Variants in MRPL48 observed in about 807,000 individuals in gnomAD.
MRPL48 encodes mitochondrial ribosomal protein L48, also known as large ribosomal subunit protein mL48.
A neutral mutation model predicts 32.9 loss-of-function variants in MRPL48; 16 were observed. The ratio of observed to expected loss-of-function variants is 0.49; its 90% CI spans 0.33 to 0.74. MRPL48 has a LOEUF of 0.74. Ranked by LOEUF, MRPL48 falls within the 30% of genes least tolerant of loss-of-function variation. MRPL48 has a pLI of 0.02. For missense variants in MRPL48, 206 were observed against 245.3 expected, an observed-to-expected ratio of 0.84 and a Z score of 1.07; for synonymous variants, 94 against 89.2, an observed-to-expected ratio of 1.05 and a Z score of -0.31.
Position 73,794,791 on chromosome 11 carries a change from C to G in MRPL48, c.21+6799C>G, listed in dbSNP as rs561268463. On this transcript the variant is annotated intron_variant, in intron 1 of 7. Transcript: ENST00000310614. ...TTGGAGTCTTGCTCTGTTGCCCAGGCTGGAGTGCAGTGGCATGATCTCGGC... is the reference window on the plus strand; with the variant it reads ...TTGGAGTCTTGCTCTGTTGCCCAGGGTGGAGTGCAGTGGCATGATCTCGGC... Among the ~76,000 whole-genome samples, 43 of 148,890 alleles carry G rather than the reference C, an allele frequency of 2.9e-4. No homozygotes were observed. In the East Asian group the frequency reaches 8.3e-3, roughly 29 times the overall value.
intron 3 of MRPL48, among the ~76,000 whole-genome samples, chr11:73,810,714 C>A (rs1947552362): frequency 6.6e-6 from 1 of 151,700 alleles, no homozygotes; most frequent in Non-Finnish European, 1.5e-5. Context: ...ACTAGCCCCC[C>A]ACCCCCCGAG....
chr11:73,841,476 C>T (rs1948184346), intron 4 of MRPL48, among the ~76,000 whole-genome samples: 1 of 152,172 alleles, frequency 6.6e-6, no homozygotes, highest in African/African-American at 2.4e-5. Flanking sequence ...AAAGAATTGC[C>T]ATTCCACATA....
At chr11:73,798,765 G>A (rs1947304876) in intron 1 of MRPL48, among the ~76,000 whole-genome samples, 1 of 152,084 alleles carries the variant, frequency 6.6e-6, no homozygotes, top group Admixed American at 6.6e-5. Context: ...GCTGAGGTGG[G>A]CGGATCACGA....
At chr11:73,807,330 A>G (rs1173323711) in intron 2 of MRPL48, among the ~76,000 whole-genome samples, 1 of 151,704 alleles carries the variant, frequency 6.6e-6, no homozygotes, top group East Asian at 1.9e-4. Flanking sequence ...ATCCTGGATG[A>G]TTTCTTGAGT....
At chr11:73,827,336 A>G (rs1469705959) in intron 4 of MRPL48, among the ~76,000 whole-genome samples, 1 of 152,160 alleles carries the variant, frequency 6.6e-6, no homozygotes, top group African/African-American at 2.4e-5. Context: ...GTGAGCCGAG[A>G]TCACGCCACT....
At chr11:73,837,408 G>C (rs1271511444) in intron 4 of MRPL48, among the ~76,000 whole-genome samples, 3 of 151,528 alleles carry the variant, frequency 2.0e-5, no homozygotes, top group Non-Finnish European at 4.4e-5. Context: ...GGGAAGGAGA[G>C]ATTAAATTAT....
chr11:73,847,958 T>A (rs1948324166), intron 5 of MRPL48, among the ~76,000 whole-genome samples: 1 of 152,234 alleles, frequency 6.6e-6, no homozygotes, highest in Non-Finnish European at 1.5e-5. Flanking sequence ...CTTAACAGTA[T>A]GTCTTTTGAA....
intron 5 of MRPL48, among the ~76,000 whole-genome samples, chr11:73,849,201 A>T (rs1417286689): frequency 6.6e-6 from 1 of 152,084 alleles, no homozygotes; most frequent in Non-Finnish European, 1.5e-5. Flanking sequence ...CAGTGGCGCA[A>T]TCTCGGCTGA....
intron 3 of MRPL48, among the ~76,000 whole-genome samples, chr11:73,823,862 C>CCT (rs1947833665): frequency 7.0e-6 from 1 of 143,360 alleles, no homozygotes; most frequent in African/African-American, 2.6e-5. Context: ...AAAGACCCCC[C>CCT]TTTTTTTTTT....
At chr11:73,832,940 G>T (rs552923720) in intron 4 of MRPL48, among the ~76,000 whole-genome samples, 2 of 152,222 alleles carry the variant, frequency 1.3e-5, no homozygotes, top group East Asian at 3.9e-4. Flanking sequence ...AAAGTCTGCT[G>T]GGAAAGTTAG....
At chr11:73,818,601 G>C (rs374011272) in intron 3 of MRPL48, among the ~76,000 whole-genome samples, 3 of 152,234 alleles carry the variant, frequency 2.0e-5, no homozygotes, top group East Asian at 1.9e-4. Context: ...TGTTTGCCAG[G>C]TGGTGGCATT....
At chr11:73,839,131 T>G (rs879419378) in intron 4 of MRPL48, among the ~76,000 whole-genome samples, 3 of 152,346 alleles carry the variant, frequency 2.0e-5, no homozygotes, top group East Asian at 1.9e-4. Flanking sequence ...AAAACATTCC[T>G]GTGAGATCAG....
chr11:73,817,309 A>G (rs1038081106), intron 3 of MRPL48, among the ~76,000 whole-genome samples: 3 of 152,212 alleles, frequency 2.0e-5, no homozygotes, highest in Non-Finnish European at 4.4e-5. Flanking sequence ...CAACACTGTG[A>G]TGAACATTCT....
Position 73,805,093 on chromosome 11 carries a change from A to G in MRPL48, c.74+14A>G. ...TTCTCTCTTAAGGTAAGAATATTAA[A>G]AACAATAATTAAATATAGGTAACAT... On this transcript the variant is annotated intron_variant, in intron 2 of 7. Transcript: ENST00000310614. 1 of 1,550,524 alleles carries G rather than the reference A, an allele frequency of 6.4e-7. No homozygotes were observed. Among genetic ancestry groups the G allele is most frequent in the Non-Finnish European group, 8.7e-7 (1 of 1,144,504 alleles).
At chr11:73,806,936 C>T (rs1947464729) in intron 2 of MRPL48, among the ~76,000 whole-genome samples, 1 of 151,910 alleles carries the variant, frequency 6.6e-6, no homozygotes, top group African/African-American at 2.4e-5. Context: ...GTGGCACTAT[C>T]TCAGTTCACT....
chr11:73,846,029 C>G (rs1948280354), intron 5 of MRPL48, among the ~76,000 whole-genome samples: 1 of 137,512 alleles, frequency 7.3e-6, no homozygotes, highest in African/African-American at 2.8e-5. Flanking sequence ...GACTGTGCCA[C>G]TGCACTCCAG....
rs879416712 is a variant in MRPL48 at position 73,829,904 on chromosome 11, A to T, written c.201+4108A>T. Among the ~76,000 whole-genome samples the T allele has an allele frequency of 1.8e-3, 281 of 152,204 alleles. 1 individual carries two copies. The highest frequency in any genetic ancestry group is 3.4e-3 in the Non-Finnish European group (228 of 68,016). On this transcript the variant is annotated intron_variant, in intron 4 of 7. Transcript: ENST00000310614. ...TTCAGCCTCCTGAGTAGCTAGGATT[A>T]CAGGAGTATACCACTACACCCGGCT...
At chr11:73,848,284 A>G (rs1176670190) in intron 5 of MRPL48, among the ~76,000 whole-genome samples, 3 of 151,998 alleles carry the variant, frequency 2.0e-5, no homozygotes, top group African/African-American at 4.8e-5. Context: ...CCAGTTGACC[A>G]TGTATATGTG....
rs552796480 is a variant in MRPL48, at chr11:73,864,686, G to A, written c.*316G>A. The A allele has an allele frequency of 1.0e-4, 33 of 326,924 alleles. No individual in the cohort carries two copies. The highest frequency in any genetic ancestry group is 9.8e-4 in the South Asian group (14 of 14,334). The allele number at this position is 326,924 out of a possible 1,614,324, so 20.3% of individuals were successfully genotyped here. A position where few individuals can be genotyped will look rare whatever the true frequency, so the allele number is the denominator to read the frequency against. On this transcript the variant is annotated 3_prime_UTR_variant, in exon 8 of 8. Coordinates refer to ENST00000310614, the MANE Select transcript of MRPL48 (RefSeq NM_016055.6). ...AGATTCTATATTCTGGCCAGGCACC[G>A]TGGTGCATCCCTGTAATCCCAGCAC...
Sources: allele counts gnomAD v4.1 joint callset (sites outside exome capture counted in the v4.1 genomes callset), GRCh38; gene constraint gnomAD v4.1.1; transcripts MANE v1.5; gene names NCBI Gene and HGNC (gene_info 2026-07-23, HGNC 2026-07-21).